Variants in DACH1 observed in about 807,000 individuals in gnomAD.
The protein encoded by DACH1 is dachshund homolog 1.
A neutral mutation model predicts 54.2 loss-of-function variants in DACH1; 12 were observed. The observed-to-expected ratio is 0.22, with a 90% CI of 0.14 to 0.36. The LOEUF is 0.36. Among genes scored for constraint, DACH1 ranks in the 10% least tolerant of loss-of-function variants. The pLI, the probability that DACH1 is intolerant of heterozygous loss-of-function variation, is 1.00. For missense variants in DACH1, 805 were observed against 929.8 expected (o/e 0.87, Z 1.75); for synonymous variants, 386 against 366.2 (o/e 1.05, Z -0.62).
At chr13:71,510,713 A>T (rs1022460866) in intron 6 of DACH1, among the ~76,000 whole-genome samples, 1 of 152,014 alleles carries the variant, frequency 6.6e-6, no homozygotes, top group African/African-American at 2.4e-5. Context: ...ATGTAAATCT[A>T]TTTATTCATT....
intron 3 of DACH1, among the ~76,000 whole-genome samples, chr13:71,624,710 G>A (rs1876518068): frequency 6.6e-6 from 1 of 151,956 alleles, no homozygotes; most frequent in Non-Finnish European, 1.5e-5. Flanking sequence ...CATTTTTAGA[G>A]CAAGCTTGCT....
At chr13:71,453,284 T>C (rs1159920013) in intron 10 of DACH1, among the ~76,000 whole-genome samples, 2 of 152,174 alleles carry the variant, frequency 1.3e-5, no homozygotes, top group Non-Finnish European at 2.9e-5. Context: ...TAAGTGCAAA[T>C]CTGATCCTAA....
chr13:71,809,543 T>A (rs1444201291), intron 1 of DACH1, among the ~76,000 whole-genome samples: 2 of 152,164 alleles, frequency 1.3e-5, no homozygotes, highest in African/African-American at 4.8e-5. Context: ...AATTAATAAG[T>A]AAAACTTAAG....
intron 3 of DACH1, among the ~76,000 whole-genome samples, chr13:71,627,825 C>T (rs1273118616): frequency 6.6e-6 from 1 of 152,014 alleles, no homozygotes; most frequent in Non-Finnish European, 1.5e-5. Flanking sequence ...CACAGGCCTG[C>T]AGCTTAGCAA....
At chr13:71,683,270 G>A (rs1161453707) in intron 1 of DACH1, among the ~76,000 whole-genome samples, 2 of 152,078 alleles carry the variant, frequency 1.3e-5, no homozygotes, top group African/African-American at 4.8e-5. Flanking sequence ...AATCCCATAA[G>A]AAAGTTGCAA....
intron 1 of DACH1, among the ~76,000 whole-genome samples, chr13:71,696,522 G>A (rs1180075991): frequency 6.6e-6 from 1 of 151,658 alleles, no homozygotes; most frequent in Non-Finnish European, 1.5e-5. Context: ...GAAGCAAATA[G>A]CCATATCTAG....
intron 6 of DACH1, among the ~76,000 whole-genome samples, chr13:71,549,927 T>A (rs190401100): frequency 6.6e-6 from 1 of 152,262 alleles, no homozygotes; most frequent in South Asian, 2.1e-4. Flanking sequence ...TGAAATTGTA[T>A]TAAATAAATA....
intron 1 of DACH1, among the ~76,000 whole-genome samples, chr13:71,693,147 C>T (rs943788256): frequency 6.6e-6 from 1 of 151,926 alleles, no homozygotes; most frequent in African/African-American, 2.4e-5. Flanking sequence ...AAAACTACAG[C>T]GAGTGTGCAT....
intron 1 of DACH1, among the ~76,000 whole-genome samples, chr13:71,826,730 T>C (rs1888397761): frequency 6.6e-6 from 1 of 152,116 alleles, no homozygotes; most frequent in Admixed American, 6.6e-5. Context: ...CACTTACATC[T>C]TTATATATGT....
intron 1 of DACH1, among the ~76,000 whole-genome samples, chr13:71,844,380 A>T (rs1189419005): frequency 1.3e-5 from 2 of 152,182 alleles, no homozygotes; most frequent in East Asian, 3.9e-4. Flanking sequence ...TTCAATCATG[A>T]GTAGAAGCAA....
At chr13:71,552,766 CATATATATATATATATATGGATGTGA>C (rs1883895557) in intron 6 of DACH1, among the ~76,000 whole-genome samples, 3 of 86,668 alleles carry the variant, frequency 3.5e-5, no homozygotes, top group African/African-American at 1.4e-4. Flanking sequence ...AGTTTTCATG[CATATATATATATATATATGGATGTGA>C]ATATATATAT....
At chr13:71,538,736 T>A (rs2138324647) in intron 6 of DACH1, among the ~76,000 whole-genome samples, 1 of 152,220 alleles carries the variant, frequency 6.6e-6, no homozygotes, top group African/African-American at 2.4e-5. Context: ...ATACTCAGTT[T>A]AAAAATGACT....
intron 3 of DACH1, among the ~76,000 whole-genome samples, chr13:71,592,019 A>G (rs1421750780): frequency 6.6e-6 from 1 of 152,204 alleles, no homozygotes; most frequent in African/African-American, 2.4e-5. Context: ...ATTGTGAGGT[A>G]GCAGACAAAC....
intron 2 of DACH1, among the ~76,000 whole-genome samples, chr13:71,672,091 A>C (rs1167863911): frequency 6.6e-6 from 1 of 152,136 alleles, no homozygotes; most frequent in Non-Finnish European, 1.5e-5. Flanking sequence ...ACTGAACATA[A>C]TATTCCAGAT....
intron 1 of DACH1, among the ~76,000 whole-genome samples, chr13:71,697,061 A>C (rs963019089): frequency 7.9e-5 from 12 of 151,820 alleles, no homozygotes; most frequent in African/African-American, 2.7e-4. Context: ...CCCTTCTCCC[A>C]CCTCACTGTG....
At chr13:71,854,515 T>G (rs1408888) in intron 1 of DACH1, among the ~76,000 whole-genome samples, 44,989 of 151,870 alleles carry the variant, frequency 0.3, 7,251 homozygotes, top group African/African-American at 0.4. Context: ...CAAGAGTTTT[T>G]AACGTGTCTT....
At chr13:71,637,931 A>G (rs1877607667) in intron 2 of DACH1, among the ~76,000 whole-genome samples, 1 of 152,164 alleles carries the variant, frequency 6.6e-6, no homozygotes, top group South Asian at 2.1e-4. Context: ...GAAAGGCCCA[A>G]TCTTTGATCT....
chr13:71,501,193 G>A (rs1469867116), intron 6 of DACH1, among the ~76,000 whole-genome samples: 7 of 151,934 alleles, frequency 4.6e-5, no homozygotes, highest in Admixed American at 1.3e-4. Flanking sequence ...CGATCTCTTC[G>A]GGCGCACTTT....
At chr13:71,441,357 C>T (rs1873991337) in intron 10 of DACH1, among the ~76,000 whole-genome samples, 1 of 151,946 alleles carries the variant, frequency 6.6e-6, no homozygotes, top group Non-Finnish European at 1.5e-5. Flanking sequence ...CGAATAAATC[C>T]ATTTGAATGA....
Sources: allele counts gnomAD v4.1 joint callset (sites outside exome capture counted in the v4.1 genomes callset), GRCh38; gene constraint gnomAD v4.1.1; transcripts MANE v1.5; gene names NCBI Gene and HGNC (gene_info 2026-07-23, HGNC 2026-07-21).